TCEA2: variants seen among roughly 807,000 people sequenced by gnomAD.
TCEA2 encodes the protein transcription elongation factor A protein 2.
TCEA2 carries 21 observed loss-of-function variants against 40.8 expected under a neutral mutation model. The observed-to-expected ratio is 0.51, with a 90% CI of 0.36 to 0.74. The LOEUF (loss-of-function observed/expected upper bound fraction) is 0.74, where lower values mean the gene tolerates loss of function less well. Ranked by LOEUF, TCEA2 falls within the 30% of genes least tolerant of loss-of-function variation. The probability of loss-of-function intolerance (pLI) is 0.00; values close to 1 mark genes in which losing one functional copy is unlikely to be tolerated. For synonymous variants in TCEA2, 165 were observed against 162.7 expected (o/e 1.01, Z -0.11); for missense variants, 326 against 426.5 (o/e 0.76, Z 2.08).
At chr20:64,058,654 C>T (rs547423811), upstream of TCEA2, among the ~76,000 whole-genome samples, 2 of 152,350 alleles carry the variant, frequency 1.3e-5, no homozygotes, top group South Asian at 4.1e-4. The surrounding 1 kb of genome is among the most constrained non-coding windows in gnomAD (Gnocchi z 6.7). Context: ...GCCAGTTCTA[C>T]CAACACACAG....
chr20:64,063,658 C>G, intron 1 of TCEA2: 6 of 499,954 alleles, frequency 1.2e-5, no homozygotes, highest in Non-Finnish European at 1.8e-5. Context: ...TCAGACCCCT[C>G]CCTCGCCCGC....
chr20:64,072,168 G>C lies in TCEA2; in HGVS notation c.892-4G>C. On this transcript the variant is annotated splice_polypyrimidine_tract_variant and splice_region_variant and intron_variant, in intron 9 of 9. Transcript: ENST00000343484. ...GGCTGGAGGCCTCACCCCCTTTCTC[G>C]CAGTTCTGCTGACCCCTCGTGTAGA... 6.2e-7 allele frequency: 1 copy of C among 1,613,650 alleles called. No individual in the cohort carries two copies.
chr20:64,068,542 C>T (rs557970329), intron 4 of TCEA2, among the ~76,000 whole-genome samples: 3 of 152,368 alleles, frequency 2.0e-5, no homozygotes, highest in South Asian at 4.1e-4. Flanking sequence ...GGCCAACTCC[C>T]CTCCTGCCCT....
At chr20:64,069,641 C>G (rs1177343288) in intron 5 of TCEA2, 124 bp from the exon 6 acceptor site, 2 of 1,533,408 alleles carry the variant, frequency 1.3e-6, no homozygotes, top group East Asian at 4.5e-5. Context: ...GGGCCTGTGC[C>G]TGGATCGTGG....
At chr20:64,059,061 C>T (rs137969360), upstream of TCEA2, among the ~76,000 whole-genome samples, 502 of 152,152 alleles carry the variant, frequency 3.3e-3, 1 homozygote, top group African/African-American at 0.011. Context: ...GGTGTGGTGG[C>T]GCATGCCTGT....
At chr20:64,060,973 T>G (rs1206998135), upstream of TCEA2, among the ~76,000 whole-genome samples, 1 of 150,426 alleles carries the variant, frequency 6.6e-6, no homozygotes, top group Non-Finnish European at 1.5e-5. Flanking sequence ...TTTGTTTTTT[T>G]GTATTTTAGT....
intron 2 of TCEA2, 92 bp from the exon 3 acceptor site, chr20:64,066,823 C>T (rs111306734): frequency 1.1e-4 from 150 of 1,317,738 alleles, no homozygotes; most frequent in Non-Finnish European, 1.6e-4. Flanking sequence ...TCCCGGGCTC[C>T]TGTCCTGTGG....
At chr20:64,067,071 G>A (rs2059712778) in intron 3 of TCEA2, 51 bp downstream of exon 3, 1 of 1,525,774 alleles carries the variant, frequency 6.6e-7, no homozygotes, top group East Asian at 2.4e-5. Context: ...TCCCAGAAGT[G>A]CTGCCTCTTG....
chr20:64,063,272 A>G lies in TCEA2; in HGVS notation c.-41A>G. ...GGGCCGGGGTCCTGCCCGGCTGCGGAGGCGGGCGCGACGGGCGCGGGGGTC... is the reference window on the plus strand; with the variant it reads ...GGGCCGGGGTCCTGCCCGGCTGCGGGGGCGGGCGCGACGGGCGCGGGGGTC... On this transcript the variant is annotated 5_prime_UTR_variant, in exon 1 of 10. Transcript: ENST00000343484. 6.7e-7 allele frequency: 1 copy of G among 1,502,206 alleles called. No individual in the cohort carries two copies. The highest frequency in any genetic ancestry group is 8.9e-7 in the Non-Finnish European group (1 of 1,128,248). The allele number at this position is 1,502,206 out of a possible 1,614,324, so 93.1% of individuals were successfully genotyped here.
chr20:64,069,243 A>G, intron 4 of TCEA2, 118 bp from the exon 5 acceptor site: 1 of 1,412,276 alleles, frequency 7.1e-7, no homozygotes, highest in Non-Finnish European at 9.4e-7. Context: ...CTGGCAGAGT[A>G]GAACAAGCAG....
At chr20:64,063,197 C>T (rs2059605596), upstream of TCEA2, 3 of 934,124 alleles carry the variant, frequency 3.2e-6, no homozygotes, top group Non-Finnish European at 4.2e-6. Flanking sequence ...GTCTGTCGTC[C>T]GCGGCGGGGC....
intron 3 of TCEA2, among the ~76,000 whole-genome samples, chr20:64,067,402 G>A (rs907747398): frequency 4.6e-5 from 7 of 152,200 alleles, no homozygotes; most frequent in African/African-American, 7.2e-5. Flanking sequence ...GAGGGGAAGC[G>A]GGAGGGAGAA....
rs1335012871 is a variant in TCEA2 at position 64,070,620 on chromosome 20, C to G, written c.804C>G (p.Asn268Lys). 6.2e-7 allele frequency: 1 copy of G among 1,603,954 alleles called. No homozygotes were observed. The highest frequency in any genetic ancestry group is 1.7e-5 in the Admixed American group (1 of 58,168). ...CCTGCGGCAAGTGCAGGAAAAAGAA[C>G]TGCACCTACACACAGGTGAGCGGCC... ...LFTCGKCRKK[N>K]CTYTQVQTRS... The change falls in exon 8 of 10, where the codon AAC becomes AAG. Residue 268 changes from asparagine to lysine, a missense_variant. Transcript: ENST00000343484.
chr20:64,062,118 A>T (rs2059578893), upstream of TCEA2, among the ~76,000 whole-genome samples: 1 of 152,220 alleles, frequency 6.6e-6, no homozygotes, highest in East Asian at 1.9e-4. Context: ...CAGACAGCCC[A>T]AGAAATGCTC....
intron 6 of TCEA2, 29 bp from the exon 7 acceptor site, chr20:64,070,231 C>A: frequency 6.2e-7 from 1 of 1,612,148 alleles, no homozygotes; most frequent in South Asian, 1.1e-5. Context: ...GCGACGTTGT[C>A]CTCAGGTGGG....
At position 64,072,165 on chromosome 20, in the gene TCEA2, C is replaced by A; in HGVS notation, c.892-7C>A. 1 of 1,613,696 alleles carries A rather than the reference C, an allele frequency of 6.2e-7. No homozygotes were observed. The highest frequency in any genetic ancestry group is 8.5e-7 in the Non-Finnish European group (1 of 1,179,810). ...CAAGGCTGGAGGCCTCACCCCCTTT[C>A]TCGCAGTTCTGCTGACCCCTCGTGT... On this transcript the variant is annotated splice_polypyrimidine_tract_variant and splice_region_variant and intron_variant, in intron 9 of 9. Coordinates refer to ENST00000343484, the MANE Select transcript of TCEA2 (RefSeq NM_003195.6).
At chr20:64,060,989 C>T (rs1303995594), upstream of TCEA2, among the ~76,000 whole-genome samples, 3 of 149,040 alleles carry the variant, frequency 2.0e-5, no homozygotes, top group Non-Finnish European at 4.4e-5. Context: ...TTAGTAGAGA[C>T]GGGGTTTCAC....
intron 1 of TCEA2, among the ~76,000 whole-genome samples, chr20:64,064,691 G>A: frequency 6.6e-6 from 1 of 152,116 alleles, no homozygotes; most frequent in East Asian, 1.9e-4. Flanking sequence ...TTGAGTCTGG[G>A]TTCCTGTGAC....
upstream of TCEA2, among the ~76,000 whole-genome samples, chr20:64,062,138 C>T (rs747434736): frequency 5.3e-5 from 8 of 152,204 alleles, no homozygotes; most frequent in Non-Finnish European, 8.8e-5. Flanking sequence ...CAGCCCATTC[C>T]ACCTGCCACC....
Sources: allele counts gnomAD v4.1 joint callset (sites outside exome capture counted in the v4.1 genomes callset), GRCh38; gene constraint gnomAD v4.1.1; non-coding constraint Gnocchi (gnomAD v3.1); transcripts MANE v1.5; gene names NCBI Gene and HGNC (gene_info 2026-07-23, HGNC 2026-07-21).